The following OBI1 variants were observed in gnomAD, a reference collection of about 807,000 sequenced individuals.
The protein encoded by OBI1 is ring finger protein 219.
A neutral mutation model predicts 62.4 loss-of-function variants in OBI1; 59 were observed. That is an observed-to-expected ratio of 0.95 (90% CI 0.77 to 1.17). The LOEUF is 1.17. OBI1 is among the 50% of genes most tolerant of loss of function. The pLI, the probability that OBI1 is intolerant of heterozygous loss-of-function variation, is 0.00. For synonymous variants in OBI1, 302 were observed against 292.8 expected, an observed-to-expected ratio of 1.03 and a Z score of -0.32; for missense variants, 875 against 830.9, an observed-to-expected ratio of 1.05 and a Z score of -0.65.
At chr13:78,626,200 A>G (rs994750216) in intron 5 of OBI1, among the ~76,000 whole-genome samples, 8 of 152,212 alleles carry the variant, frequency 5.3e-5, no homozygotes, top group African/African-American at 1.9e-4. Flanking sequence ...AAGCTTCCAG[A>G]AATCCTTTGC....
chr13:78,656,271 G>A (rs1408458254), intron 1 of OBI1, among the ~76,000 whole-genome samples: 2 of 152,224 alleles, frequency 1.3e-5, no homozygotes, highest in African/African-American at 4.8e-5. Flanking sequence ...TTACAGATAA[G>A]GAAACAGGCT....
chr13:78,624,549 A>G (rs1283282267), intron 5 of OBI1, among the ~76,000 whole-genome samples: 2 of 152,176 alleles, frequency 1.3e-5, no homozygotes, highest in African/African-American at 2.4e-5. Context: ...CTCACTGCAG[A>G]ACAAAATTTT....
rs549765953 is a variant in OBI1 at position 78,644,964 on chromosome 13, C to T, written c.106G>A (p.Val36Ile). Residue 36 changes from valine to isoleucine, a missense_variant, in exon 2 of 6, where the codon GTA (valine) becomes ATA (isoleucine). Transcript: ENST00000282003. ...AAATCAATACAAATCGAACAAAATA[C>T]ATGGTTGTTGATGCATATGACAGGC... is the stretch of plus-strand genomic sequence containing the variant. ...RQPVICINNH[V>I]FCSICIDLWL... is the part of the protein sequence containing the mutation. The T allele has an allele frequency of 6.2e-7, 1 of 1,613,726 alleles. No individual in the cohort carries two copies.
chr13:78,628,916 A>C (rs771354392), intron 5 of OBI1, among the ~76,000 whole-genome samples: 7 of 151,920 alleles, frequency 4.6e-5, no homozygotes, highest in Admixed American at 1.3e-4. Flanking sequence ...GTGAGGTCAA[A>C]GATTTTGATT....
Position 78,644,271 on chromosome 13 carries a change from T to A in OBI1, c.208+591A>T, listed in dbSNP as rs1215718535. ...ACCATCATGCCCAATTCACCCTTCT[T>A]CTTAGTCCTAGAGCAAGTCCCTGAT... On this transcript the variant is annotated intron_variant, in intron 2 of 5. Transcript: ENST00000282003. Among the ~76,000 whole-genome samples the A allele has an allele frequency of 2.0e-5, 3 of 152,306 alleles. No homozygotes were observed. The South Asian group carries it at 6.2e-4, about 32-fold the overall frequency.
At chr13:78,641,474 C>A (rs1248025979) in intron 3 of OBI1, among the ~76,000 whole-genome samples, 1 of 152,080 alleles carries the variant, frequency 6.6e-6, no homozygotes, top group Non-Finnish European at 1.5e-5. Flanking sequence ...CTTCTTCAGT[C>A]AACATAAAAT....
Position 78,615,683 on chromosome 13 carries a change from G to C in OBI1, c.2078C>G (p.Ser693Cys). 1 of 1,614,032 alleles carries C rather than the reference G, an allele frequency of 6.2e-7. No homozygotes were observed. The change falls in exon 6 of 6, where the codon TCC becomes TGC. Residue 693 changes from serine (S) to cysteine (C), a missense_variant. Physicochemically the swap from Ser to Cys is moderately radical, Grantham distance 112. Transcript: ENST00000282003. ...TTTATTCCTCTTTTCAGGCACAAAG[G>C]AAGTAGACCAAGGAGACTGAAGGTG... ...HNHLQSPWST[S>C]FVPEKRNKNV...
intron 1 of OBI1, among the ~76,000 whole-genome samples, chr13:78,645,925 C>T (rs1393168994): frequency 2.0e-5 from 3 of 152,226 alleles, no homozygotes; most frequent in Admixed American, 6.5e-5. Context: ...GCTGGGATTA[C>T]AGGCGTGAGC....
chr13:78,644,587 T>C (rs575188266), intron 2 of OBI1, among the ~76,000 whole-genome samples: 78 of 152,262 alleles, frequency 5.1e-4, no homozygotes, highest in Non-Finnish European at 9.7e-4. Flanking sequence ...TCTCTGGGCT[T>C]TTTTGGGGCC....
chr13:78,627,885 T>C (rs2054612545), intron 5 of OBI1, among the ~76,000 whole-genome samples: 1 of 152,220 alleles, frequency 6.6e-6, no homozygotes, highest in African/African-American at 2.4e-5. Context: ...GGTTAATTTA[T>C]CCAATGTTAT....
At chr13:78,643,974 T>G (rs890081633) in intron 2 of OBI1, among the ~76,000 whole-genome samples, 7 of 152,134 alleles carry the variant, frequency 4.6e-5, no homozygotes, top group Admixed American at 4.6e-4. Context: ...CTTATATGAG[T>G]AGAATAAAAA....
intron 4 of OBI1, among the ~76,000 whole-genome samples, chr13:78,637,616 T>C (rs1876069384): frequency 6.6e-6 from 1 of 152,180 alleles, no homozygotes. Context: ...ACAAGGCAAA[T>C]TGATAAATAC....
chr13:78,639,012 CA>C lies in OBI1; in HGVS notation c.359del (p.Leu120TrpfsTer12). ...CCAGAATAGTTTTGATCTGTGACTCCAAGCTGAGATTTTTACTCTTAAGCTC... is the reference window on the plus strand; with the variant it reads ...CCAGAATAGTTTTGATCTGTGACTCCAGCTGAGATTTTTACTCTTAAGCTC... ...VEELKSKNLS[L>X]ESQIKTILDP... On this transcript the variant is annotated frameshift_variant, in exon 4 of 6. Coordinates refer to ENST00000282003, the MANE Select transcript of OBI1 (RefSeq NM_024546.4). LOFTEE classifies it high-confidence loss of function. The C allele has an allele frequency of 5.6e-6, 9 of 1,613,804 alleles. No individual in the cohort carries two copies. Among genetic ancestry groups the C allele is most frequent in the Non-Finnish European group, 7.6e-6 (9 of 1,179,844 alleles).
At chr13:78,632,733 A>G (rs1229887369) in intron 5 of OBI1, among the ~76,000 whole-genome samples, 2 of 152,160 alleles carry the variant, frequency 1.3e-5, no homozygotes, top group African/African-American at 4.8e-5. Context: ...TTCTCTCTGA[A>G]TCCCACTAGG....
intron 4 of OBI1, among the ~76,000 whole-genome samples, chr13:78,635,600 A>C (rs1171000811): frequency 1.3e-5 from 2 of 152,154 alleles, no homozygotes; most frequent in African/African-American, 4.8e-5. Flanking sequence ...TTGAGCTTTG[A>C]AATTGATTTC....
At chr13:78,648,209 G>A (rs1488796048) in intron 1 of OBI1, among the ~76,000 whole-genome samples, 1 of 151,314 alleles carries the variant, frequency 6.6e-6, no homozygotes, top group Non-Finnish European at 1.5e-5. Flanking sequence ...TTTATGTCAT[G>A]AAATCTTTTA....
chr13:78,621,649 A>G (rs938857601), intron 5 of OBI1, among the ~76,000 whole-genome samples: 1 of 152,258 alleles, frequency 6.6e-6, no homozygotes, highest in Non-Finnish European at 1.5e-5. Context: ...GACTGTGGGA[A>G]TATTACAACA....
At position 78,616,112 on chromosome 13, in the gene OBI1, T is replaced by C. The variant is rs770427159; in HGVS notation, c.1649A>G (p.Asn550Ser). ...ACCGTTATTACAAGGGCTCTTGCTG[T>C]TGTCTGACTCTGACATCATTGAATC... The part of the protein sequence containing the change: ...ELDSMMSESD[N>S]SKSPCNNGFK... Residue 550 changes from asparagine to serine, a missense_variant, in exon 6 of 6, where the codon AAC (asparagine) becomes AGC (serine). Transcript: ENST00000282003. 1.2e-6 allele frequency: 2 copies of C among 1,614,170 alleles called. No homozygotes were observed. Among genetic ancestry groups the C allele is most frequent in the South Asian group, 2.2e-5 (2 of 91,082 alleles).
rs574302208 is a variant in OBI1 at position 78,615,293 on chromosome 13, A to G, written c.*287T>C. 5.6e-5 allele frequency: 15 copies of G among 268,906 alleles called. No homozygotes were observed. The highest frequency in any genetic ancestry group is 2.6e-4 in the African/African-American group (12 of 45,352). The allele number at this position is 268,906 out of a possible 1,614,324, so 16.7% of individuals were successfully genotyped here. A position where few individuals can be genotyped will look rare whatever the true frequency, so the allele number is the denominator to read the frequency against. On this transcript the variant is annotated 3_prime_UTR_variant, in exon 6 of 6. Coordinates refer to ENST00000282003, the MANE Select transcript of OBI1 (RefSeq NM_024546.4). ...TACATATCAAATTCAGTAAAAAAACAAAACCAAAAACAAAACCAACCAACC... is the reference window on the plus strand; with the variant it reads ...TACATATCAAATTCAGTAAAAAAACGAAACCAAAAACAAAACCAACCAACC...
Sources: gnomAD v4.1 joint callset for allele counts (sites outside exome capture counted in the v4.1 genomes callset) on GRCh38, gnomAD v4.1.1 for gene constraint, MANE v1.5 for transcripts, NCBI Gene and HGNC (gene_info 2026-07-23, HGNC 2026-07-21) for gene names.